SELENOI: variants seen among roughly 807,000 people sequenced by gnomAD.
SELENOI encodes the protein selenoprotein I.
In SELENOI, 24 loss-of-function variants were observed where a neutral mutation model predicts 50.7. The ratio of observed to expected loss-of-function variants is 0.47; its 90% CI spans 0.34 to 0.67. SELENOI has a LOEUF of 0.67. Ranked by LOEUF, SELENOI falls within the 30% of genes least tolerant of loss-of-function variation. SELENOI has a pLI of 0.01. For missense variants in SELENOI, 352 were observed against 461.4 expected, an observed-to-expected ratio of 0.76 and a Z score of 2.17; for synonymous variants, 155 against 170.2, an observed-to-expected ratio of 0.91 and a Z score of 0.70.
chr2:26,377,588 T>A (rs1401576490), intron 6 of SELENOI, among the ~76,000 whole-genome samples: 2 of 152,030 alleles, frequency 1.3e-5, no homozygotes, highest in Non-Finnish European at 2.9e-5. Context: ...GCTGTAATTG[T>A]GCCACTGTAC....
At chr2:26,357,189 T>C (rs569751275) in intron 1 of SELENOI, among the ~76,000 whole-genome samples, 20 of 152,354 alleles carry the variant, frequency 1.3e-4, no homozygotes, top group African/African-American at 4.3e-4. Flanking sequence ...TTAGGACTTC[T>C]TTTGCCATAA....
rs540641090 is a variant in SELENOI, at chr2:26,367,204, C to G, written c.294C>G (p.Phe98Leu). Residue 98 changes from phenylalanine (F) to leucine (L), a missense_variant, in exon 4 of 10, where the codon TTC becomes TTG. Phe to Leu is a conservative substitution (Grantham distance 22). Transcript: ENST00000260585. ...GGATTGTAGTGGGCATCCTCAACTT[C>G]GTAGCCTACACTCTAGGTAAGGAAT... ...WVWIVVGILN[F>L]VAYTLDGVDG... 6.2e-7 allele frequency: 1 copy of G among 1,609,698 alleles called. No individual in the cohort carries two copies. The highest frequency in any genetic ancestry group is 8.5e-7 in the Non-Finnish European group (1 of 1,177,954).
intron 4 of SELENOI, among the ~76,000 whole-genome samples, chr2:26,368,950 A>G (rs1207456237): frequency 2.6e-5 from 4 of 152,244 alleles, no homozygotes; most frequent in Non-Finnish European, 5.9e-5. Flanking sequence ...ATAGTCTTCA[A>G]CAATATATTA....
Position 26,382,760 on chromosome 2 carries a change from C to T in SELENOI, c.683-539C>T, listed in dbSNP as rs553333526. Reference sequence around the variant, plus strand: ...TAGTCTCAGCTGCTCAGAAGCCTGACGTAGGAGAATTGCTTGACCCAGTAG... The same window carrying T: ...TAGTCTCAGCTGCTCAGAAGCCTGATGTAGGAGAATTGCTTGACCCAGTAG... On this transcript the variant is annotated intron_variant, in intron 6 of 9. Transcript: ENST00000260585. Among the ~76,000 whole-genome samples the T allele has an allele frequency of 6.6e-5, 10 of 151,402 alleles. No individual in the cohort carries two copies. The East Asian group carries it at 9.7e-4, about 15-fold the overall frequency.
At position 26,387,344 on chromosome 2, in the gene SELENOI, C is replaced by T. The variant is rs1677864823; in HGVS notation, c.1095+808C>T. On this transcript the variant is annotated intron_variant, in intron 9 of 9. Coordinates refer to ENST00000260585, the MANE Select transcript of SELENOI (RefSeq NM_033505.4). Reference sequence around the variant, plus strand: ...AGGAGATTACTTAATAATGACCTTGCACAGTACAGTTATTTTAATCATTTA... The same window carrying T: ...AGGAGATTACTTAATAATGACCTTGTACAGTACAGTTATTTTAATCATTTA... Among the ~76,000 whole-genome samples the T allele has an allele frequency of 2.0e-5, 3 of 152,062 alleles. No individual in the cohort carries two copies. In the South Asian group the frequency reaches 6.2e-4, roughly 32 times the overall value.
intron 4 of SELENOI, among the ~76,000 whole-genome samples, chr2:26,368,442 C>A (rs1167116783): frequency 6.6e-6 from 1 of 152,148 alleles, no homozygotes; most frequent in Non-Finnish European, 1.5e-5. Context: ...TTGTTCTAGG[C>A]CCACAGTTTT....
chr2:26,355,834 C>A (rs1181001458), intron 1 of SELENOI, among the ~76,000 whole-genome samples: 1 of 151,944 alleles, frequency 6.6e-6, no homozygotes, highest in Non-Finnish European at 1.5e-5. Flanking sequence ...TCAACCTCCC[C>A]AGGCTCAGGT....
chr2:26,373,955 T>C (rs1053604455), intron 5 of SELENOI, among the ~76,000 whole-genome samples: 1 of 152,152 alleles, frequency 6.6e-6, no homozygotes, highest in Admixed American at 6.5e-5. Context: ...TTTCACTATG[T>C]TGGCTGGGCT....
chr2:26,364,496 A>G lies in SELENOI; in HGVS notation c.126+126A>G, dbSNP rs569764372. 253 of 641,224 alleles carry G rather than the reference A, an allele frequency of 3.9e-4. 1 individual carries two copies. In the African/African-American group the frequency reaches 4.3e-3, roughly 11 times the overall value. The allele number at this position is 641,224 out of a possible 1,614,324, so 39.7% of individuals were successfully genotyped here. ...TATTTAGAGAAACCACCCTTCCCCA[A>G]TCACAATACCCCAAATCACATACCT... On this transcript the variant is annotated intron_variant, in intron 2 of 9. Transcript: ENST00000260585.
intron 1 of SELENOI, among the ~76,000 whole-genome samples, chr2:26,348,691 C>CTT: frequency 6.9e-6 from 1 of 144,556 alleles, no homozygotes. Flanking sequence ...CTATGGCTGA[C>CTT]TTTTTTTTTT....
At chr2:26,361,082 T>C (rs1210063984) in intron 1 of SELENOI, among the ~76,000 whole-genome samples, 1 of 152,066 alleles carries the variant, frequency 6.6e-6, no homozygotes, top group African/African-American at 2.4e-5. Context: ...GGCGTGGTGG[T>C]GGGCGCCTAT....
chr2:26,373,699 A>G (rs1574759761), intron 5 of SELENOI, 70 bp downstream of exon 5: 1 of 1,484,792 alleles, frequency 6.7e-7, no homozygotes, highest in East Asian at 2.3e-5. Flanking sequence ...GTCATTGCTT[A>G]TTTATTGCTC....
chr2:26,376,078 C>T (rs1038289084), intron 6 of SELENOI, among the ~76,000 whole-genome samples: 12 of 140,976 alleles, frequency 8.5e-5, no homozygotes, highest in African/African-American at 3.2e-4. Flanking sequence ...GGTGACAGAG[C>T]GAGACCCTGT....
At chr2:26,376,848 A>G (rs1351057456) in intron 6 of SELENOI, among the ~76,000 whole-genome samples, 1 of 152,178 alleles carries the variant, frequency 6.6e-6, no homozygotes, top group Non-Finnish European at 1.5e-5. Context: ...TATCATTTTA[A>G]TGTCTTTTGA....
intron 1 of SELENOI, among the ~76,000 whole-genome samples, chr2:26,357,354 C>T (rs553339025): frequency 6.6e-6 from 1 of 152,268 alleles, no homozygotes; most frequent in African/African-American, 2.4e-5. Flanking sequence ...TGCCTCTGAC[C>T]ACTCTGACTA....
intron 4 of SELENOI, among the ~76,000 whole-genome samples, chr2:26,371,342 C>A (rs1424959509): frequency 2.0e-5 from 3 of 149,072 alleles, no homozygotes; most frequent in Non-Finnish European, 3.0e-5. Flanking sequence ...CCAGACGGGG[C>A]GGCGGGGCAG....
chr2:26,380,442 G>A (rs1026048951), intron 6 of SELENOI, among the ~76,000 whole-genome samples: 2 of 152,094 alleles, frequency 1.3e-5, no homozygotes, highest in African/African-American at 2.4e-5. Context: ...TCACTCCACA[G>A]TGGTCTATAA....
chr2:26,373,221 A>T, intron 4 of SELENOI, 146 bp from the exon 5 acceptor site: 1 of 988,180 alleles, frequency 1.0e-6, no homozygotes, highest in Non-Finnish European at 1.5e-6. Flanking sequence ...TTAAATAATT[A>T]GATTTTTATA....
chr2:26,389,442 T>G lies in SELENOI; in HGVS notation c.*339T>G, dbSNP rs1037985218. 1 of 181,906 alleles carries G rather than the reference T, an allele frequency of 5.5e-6. No homozygotes were observed. The highest frequency in any genetic ancestry group is 1.2e-5 in the Non-Finnish European group (1 of 85,796). The allele number at this position is 181,906 out of a possible 1,614,324, so 11.3% of individuals were successfully genotyped here. On this transcript the variant is annotated 3_prime_UTR_variant, in exon 10 of 10. Coordinates refer to ENST00000260585, the MANE Select transcript of SELENOI (RefSeq NM_033505.4). ...TTATTTTTTAAGTACCAAAATTGGT[T>G]TCAGAACACTGATAACACTCAGAAA...
Sources: gnomAD v4.1 joint callset for allele counts (sites outside exome capture counted in the v4.1 genomes callset) on GRCh38, gnomAD v4.1.1 for gene constraint, MANE v1.5 for transcripts, NCBI Gene and HGNC (gene_info 2026-07-23, HGNC 2026-07-21) for gene names.